The following SYT1 variants were observed in gnomAD, a reference collection of about 807,000 sequenced individuals.
SYT1 encodes synaptotagmin 1, also known as synaptotagmin-1.
SYT1 carries 8 observed loss-of-function variants against 44.8 expected under a neutral mutation model. That is an observed-to-expected ratio of 0.18 (90% CI 0.10 to 0.32). The LOEUF is 0.32. SYT1 is among the 10% of genes least tolerant of loss of function. The pLI, the probability that SYT1 is intolerant of heterozygous loss-of-function variation, is 1.00. For missense variants in SYT1, 286 were observed against 509.3 expected (o/e 0.56, Z 4.22); for synonymous variants, 154 against 188.8 (o/e 0.82, Z 1.51).
intron 1 of SYT1, among the ~76,000 whole-genome samples, chr12:78,889,970 T>C (rs559901556): frequency 3.3e-5 from 5 of 152,078 alleles, no homozygotes; most frequent in East Asian, 3.9e-4. Flanking sequence ...CCCAAACTTA[T>C]GTATATTTGA....
intron 1 of SYT1, among the ~76,000 whole-genome samples, chr12:78,914,517 A>ACAGG (rs78414209): frequency 2.6e-5 from 4 of 151,632 alleles, no homozygotes; most frequent in African/African-American, 4.8e-5. Context: ...AGATAGATAG[A>ACAGG]TGATAGATAT....
chr12:78,985,187 A>G (rs1005840824), intron 2 of SYT1, among the ~76,000 whole-genome samples: 6 of 152,026 alleles, frequency 3.9e-5, no homozygotes, highest in Non-Finnish European at 1.5e-5. Context: ...AAATCATAAT[A>G]CAGTTCTGTT....
chr12:78,954,299 G>C (rs1879108205), intron 1 of SYT1, among the ~76,000 whole-genome samples: 1 of 152,096 alleles, frequency 6.6e-6, no homozygotes, highest in African/African-American at 2.4e-5. Flanking sequence ...GCAAATTACA[G>C]CCTCACAATT....
At chr12:79,232,920 C>T (rs1000662288) in intron 4 of SYT1, among the ~76,000 whole-genome samples, 26 of 152,134 alleles carry the variant, frequency 1.7e-4, no homozygotes, top group African/African-American at 6.3e-4. Flanking sequence ...GGCGACCTTC[C>T]AGAACCATTC....
chr12:79,079,976 A>T (rs143973437), intron 3 of SYT1, among the ~76,000 whole-genome samples: 1 of 152,164 alleles, frequency 6.6e-6, no homozygotes, highest in East Asian at 1.9e-4. Flanking sequence ...TTTAAGATTG[A>T]ATTTAATCTT....
chr12:79,210,229 A>G (rs1400585473), intron 3 of SYT1, among the ~76,000 whole-genome samples: 1 of 152,150 alleles, frequency 6.6e-6, no homozygotes, highest in Non-Finnish European at 1.5e-5. Flanking sequence ...CCACAAAACT[A>G]TAAACTTTTT....
intron 3 of SYT1, among the ~76,000 whole-genome samples, chr12:79,215,592 G>T (rs1042992612): frequency 5.3e-5 from 8 of 152,110 alleles, no homozygotes; most frequent in African/African-American, 9.7e-5. Flanking sequence ...TACTTGAGAA[G>T]GCTGAAACCA....
intron 3 of SYT1, among the ~76,000 whole-genome samples, chr12:79,071,496 A>G (rs1010795975): frequency 1.3e-5 from 2 of 152,304 alleles, no homozygotes; most frequent in African/African-American, 4.8e-5. Context: ...CCAAAGCCTA[A>G]ATGTGGTTAA....
Position 79,194,715 on chromosome 12 carries a change from G to T in SYT1, c.-17-22788G>T, listed in dbSNP as rs56686903. On this transcript the variant is annotated intron_variant, in intron 3 of 10. Coordinates refer to ENST00000261205, the MANE Select transcript of SYT1 (RefSeq NM_005639.3). ...CTTAAATTAATTTGTGATCATGAAG[G>T]GTATGTGTGTGTGTGTTTAAATGCC... Among the ~76,000 whole-genome samples the T allele has an allele frequency of 3.8e-3, 576 of 152,032 alleles. 7 individuals are homozygous for T. The highest frequency in any genetic ancestry group is 0.014 in the African/African-American group (564 of 41,464).
chr12:79,195,892 T>A, intron 3 of SYT1, among the ~76,000 whole-genome samples: 1 of 152,196 alleles, frequency 6.6e-6, no homozygotes, highest in East Asian at 1.9e-4. Flanking sequence ...AACTACTGTA[T>A]CTATGGATTT....
At chr12:79,349,041 G>GAGAAAGAAAGAA (rs1555219973) in intron 8 of SYT1, among the ~76,000 whole-genome samples, 1 of 112,994 alleles carries the variant, frequency 8.9e-6, no homozygotes, top group African/African-American at 3.4e-5. Flanking sequence ...GAAAAAGAAA[G>GAGAAAGAAAGAA]AAAGAAAGAA....
At chr12:78,928,316 C>A (rs1364431668) in intron 1 of SYT1, among the ~76,000 whole-genome samples, 2 of 152,102 alleles carry the variant, frequency 1.3e-5, no homozygotes, top group African/African-American at 4.8e-5. Flanking sequence ...AATACTTATT[C>A]CACCTTAACT....
chr12:79,233,909 C>T (rs1427710223), intron 4 of SYT1, among the ~76,000 whole-genome samples: 2 of 152,194 alleles, frequency 1.3e-5, no homozygotes, highest in Non-Finnish European at 2.9e-5. Flanking sequence ...CTGTTATCTT[C>T]CATTGGAGAT....
chr12:79,060,422 A>C (rs866158591), intron 3 of SYT1, among the ~76,000 whole-genome samples: 1 of 152,022 alleles, frequency 6.6e-6, no homozygotes, highest in Non-Finnish European at 1.5e-5. Flanking sequence ...AGCCACCCTC[A>C]GAATTTTTTC....
chr12:79,169,451 A>G (rs2138342670), intron 3 of SYT1, among the ~76,000 whole-genome samples: 1 of 152,156 alleles, frequency 6.6e-6, no homozygotes, highest in African/African-American at 2.4e-5. Context: ...TTATTTAGCG[A>G]TCTGCTTATT....
At chr12:79,056,667 G>A (rs1352227878) in intron 3 of SYT1, among the ~76,000 whole-genome samples, 1 of 152,014 alleles carries the variant, frequency 6.6e-6, no homozygotes, top group African/African-American at 2.4e-5. Context: ...GTTATTACAT[G>A]CACCATTTTA....
At chr12:79,324,162 G>C (rs1881501253) in intron 8 of SYT1, among the ~76,000 whole-genome samples, 1 of 151,922 alleles carries the variant, frequency 6.6e-6, no homozygotes, top group Non-Finnish European at 1.5e-5. Context: ...ATGTTGTTCA[G>C]GATGGTCTCA....
intron 3 of SYT1, among the ~76,000 whole-genome samples, chr12:79,130,634 T>G (rs893531921): frequency 1.3e-5 from 2 of 152,188 alleles, no homozygotes; most frequent in Non-Finnish European, 2.9e-5. Context: ...CAGTTCTAAC[T>G]TCAACCCATT....
At chr12:79,117,697 A>G (rs1879367039) in intron 3 of SYT1, among the ~76,000 whole-genome samples, 1 of 88,636 alleles carries the variant, frequency 1.1e-5, no homozygotes, top group Non-Finnish European at 2.4e-5. Context: ...ATATATATAT[A>G]TATATATATA....
Sources: gnomAD v4.1 joint callset for allele counts (sites outside exome capture counted in the v4.1 genomes callset) on GRCh38, gnomAD v4.1.1 for gene constraint, MANE v1.5 for transcripts, NCBI Gene and HGNC (gene_info 2026-07-23, HGNC 2026-07-21) for gene names.